SLC22A23: variants seen among roughly 807,000 people sequenced by gnomAD.
The protein encoded by SLC22A23 is ion transporter protein.
In SLC22A23, 26 loss-of-function variants were observed where a neutral mutation model predicts 61.0. That is an observed-to-expected ratio of 0.43 (90% confidence interval 0.31 to 0.59). SLC22A23 has a LOEUF of 0.59. SLC22A23 is among the 20% of genes least tolerant of loss of function. SLC22A23 has a pLI of 0.11. For missense variants in SLC22A23, 796 were observed against 934.7 expected, an observed-to-expected ratio of 0.85 and a Z score of 1.94; for synonymous variants, 430 against 413.9, an observed-to-expected ratio of 1.04 and a Z score of -0.47.
At chr6:3,350,523 T>C (rs1764704915) in intron 3 of SLC22A23, among the ~76,000 whole-genome samples, 1 of 152,248 alleles carries the variant, frequency 6.6e-6, no homozygotes, top group Non-Finnish European at 1.5e-5. Context: ...ATGGCTGCTG[T>C]TGCAGTAGCA....
At chr6:3,371,965 G>C (rs1766246509) in intron 3 of SLC22A23, among the ~76,000 whole-genome samples, 1 of 152,064 alleles carries the variant, frequency 6.6e-6, no homozygotes, top group Admixed American at 6.5e-5. Context: ...TGTTTTGGAG[G>C]ATGCATCTTA....
At chr6:3,444,551 T>G (rs1405071687) in intron 1 of SLC22A23, among the ~76,000 whole-genome samples, 1 of 152,164 alleles carries the variant, frequency 6.6e-6, no homozygotes, top group Non-Finnish European at 1.5e-5. Context: ...TTCCACTCAA[T>G]GGCATAAACT....
intron 3 of SLC22A23, among the ~76,000 whole-genome samples, chr6:3,401,170 C>T (rs544925662): frequency 1.3e-5 from 2 of 152,270 alleles, no homozygotes; most frequent in African/African-American, 2.4e-5. Context: ...GGCAAAACCC[C>T]GTCTCTACTA....
chr6:3,398,445 CA>C (rs1478521886), intron 3 of SLC22A23, among the ~76,000 whole-genome samples: 1 of 143,046 alleles, frequency 7.0e-6, no homozygotes, highest in Non-Finnish European at 1.5e-5. Flanking sequence ...TGCTTGGATA[CA>C]AAGCACTATT....
rs1328897299 is a variant in SLC22A23 at position 3,327,522 on chromosome 6, C to T, written c.914-3520G>A. 1.3e-5 allele frequency among the ~76,000 whole-genome samples: 2 copies of T among 152,302 alleles called. No homozygotes were observed. The highest frequency in any genetic ancestry group is 1.3e-4 in the Admixed American group (2 of 15,302). On this transcript the variant is annotated intron_variant, in intron 3 of 9. Transcript: ENST00000406686. The surrounding 1 kb of genome is among the most constrained non-coding windows in gnomAD (Gnocchi z 4.1). ...TGGCCAGCATGTAGCACTTCCACTG[C>T]TGTGGTTAAAAGCCTGGACTCCGTA... is the stretch of plus-strand genomic sequence containing the variant.
At chr6:3,280,579 T>C (rs1235545762) in intron 9 of SLC22A23, among the ~76,000 whole-genome samples, 3 of 146,472 alleles carry the variant, frequency 2.0e-5, no homozygotes, top group Non-Finnish European at 4.4e-5. Context: ...CACTGTAAGC[T>C]CCGCCTCCTG....
Position 3,310,553 on chromosome 6 carries a change from A to G in SLC22A23, c.1083-12335T>C, listed in dbSNP as rs371957923. Among the ~76,000 whole-genome samples the G allele has an allele frequency of 1.4e-4, 22 of 152,354 alleles. No homozygotes were observed. In the East Asian group the frequency reaches 3.9e-3, roughly 27 times the overall value. ...CTTTTCTGGAGTGGGGATTTGGCTA[A>G]GTCTCAAGCCCGTCTGATTTACATT... On this transcript the variant is annotated intron_variant, in intron 4 of 9. Coordinates refer to ENST00000406686, the MANE Select transcript of SLC22A23 (RefSeq NM_015482.2).
chr6:3,294,103 G>A (rs1760862615), intron 5 of SLC22A23, among the ~76,000 whole-genome samples: 1 of 152,176 alleles, frequency 6.6e-6, no homozygotes, highest in Admixed American at 6.5e-5. Flanking sequence ...GTATCATGGA[G>A]TTACTGCTCC....
chr6:3,279,927 G>A (rs767689723), intron 9 of SLC22A23, among the ~76,000 whole-genome samples: 1 of 152,110 alleles, frequency 6.6e-6, no homozygotes. Context: ...TACTAGAAAT[G>A]GCAAACTTCA....
At chr6:3,370,192 G>T (rs531446656) in intron 3 of SLC22A23, among the ~76,000 whole-genome samples, 1 of 152,018 alleles carries the variant, frequency 6.6e-6, no homozygotes, top group Admixed American at 6.6e-5. Context: ...AAAACAAAAA[G>T]AGGTTAGCCA....
rs1358709212 is a variant in SLC22A23, at chr6:3,366,166, TAA to T, written c.914-42166_914-42165del. ...TAACATGGTGAAACCCTGTCTCTACTAAAAATACAAAAAAAATTTAGCTGGGC... is the reference window on the plus strand; with the variant it reads ...TAACATGGTGAAACCCTGTCTCTACTAAATACAAAAAAAATTTAGCTGGGC... On this transcript the variant is annotated intron_variant, in intron 3 of 9. Coordinates refer to ENST00000406686, the MANE Select transcript of SLC22A23 (RefSeq NM_015482.2). Among the ~76,000 whole-genome samples the T allele has an allele frequency of 4.6e-5, 7 of 151,448 alleles. No individual in the cohort carries two copies. In the East Asian group the frequency reaches 1.4e-3, roughly 29 times the overall value.
In SLC22A23 at chr6:3,309,760, A is replaced by G. The variant is rs1762242267; in HGVS notation, c.1083-11542T>C. 6.6e-6 allele frequency among the ~76,000 whole-genome samples: 1 copy of G among 152,202 alleles called. No individual in the cohort carries two copies. ...CTGCTGCCACAGGGATGGCTCTCCAATCACTCACCAGGGACAGGCAACATT... is the reference window on the plus strand; with the variant it reads ...CTGCTGCCACAGGGATGGCTCTCCAGTCACTCACCAGGGACAGGCAACATT... On this transcript the variant is annotated intron_variant, in intron 4 of 9. Coordinates refer to ENST00000406686, the MANE Select transcript of SLC22A23 (RefSeq NM_015482.2). The surrounding 1 kb of genome is among the most constrained non-coding windows in gnomAD (Gnocchi z 4.7).
At position 3,269,009 on chromosome 6, in the gene SLC22A23, T is replaced by A. The variant is rs1285910260; in HGVS notation, c.*4046A>T. 1 of 152,302 alleles carries A rather than the reference T, an allele frequency of 6.6e-6. No individual in the cohort carries two copies. Among genetic ancestry groups the A allele is most frequent in the Admixed American group, 6.5e-5 (1 of 15,284 alleles). The allele number at this position is 152,302 out of a possible 1,614,324, so 9.4% of individuals were successfully genotyped here. ...TACTTTATTAAAGAAATATTGTCATTTTCGTTAAAAAATACATTAGAGAAG... is the reference window on the plus strand; with the variant it reads ...TACTTTATTAAAGAAATATTGTCATATTCGTTAAAAAATACATTAGAGAAG... On this transcript the variant is annotated 3_prime_UTR_variant, in exon 10 of 10. Transcript: ENST00000406686.
At position 3,273,152 on chromosome 6, in the gene SLC22A23, T is replaced by C. The variant is rs767362724; in HGVS notation, c.1964A>G (p.Asn655Ser). The C allele has an allele frequency of 6.2e-7, 1 of 1,611,900 alleles. No homozygotes were observed. The highest frequency in any genetic ancestry group is 1.1e-5 in the South Asian group (1 of 91,022). Reference sequence around the variant, plus strand: ...GCCCGAGTAGTCCTTGAGCTCGGCGTTGGTGAGCAGCAGTGGCTGCTCCCC... The same window carrying C: ...GCCCGAGTAGTCCTTGAGCTCGGCGCTGGTGAGCAGCAGTGGCTGCTCCCC... ...KKGEQPLLLTNAELKDYSGLH... is the reference protein window; with the variant it reads ...KKGEQPLLLTSAELKDYSGLH... Residue 655 changes from asparagine to serine, a missense_variant, in exon 10 of 10, where the codon AAC becomes AGC. Asn to Ser is a conservative substitution (Grantham distance 46, BLOSUM62 1). Coordinates refer to ENST00000406686, the MANE Select transcript of SLC22A23 (RefSeq NM_015482.2).
At position 3,286,859 on chromosome 6, in the gene SLC22A23, G is replaced by A. The variant is rs142569200; in HGVS notation, c.1546C>T (p.Leu516=). The A allele has an allele frequency of 6.4e-5, 102 of 1,590,930 alleles. No homozygotes were observed. The highest frequency in any genetic ancestry group is 3.6e-4 in the African/African-American group (27 of 74,396). Residue 516 remains leucine (L), a splice_region_variant and synonymous_variant, in exon 7 of 10, where the codon CTG becomes TTG. Coordinates refer to ENST00000406686, the MANE Select transcript of SLC22A23 (RefSeq NM_015482.2). The surrounding 1 kb of genome is among the most constrained non-coding windows in gnomAD (Gnocchi z 4.2). ...CAGCCCACCTCCCCGACCCACTCAC[G>A]GTTGAGGAGGCCGAGCTGCAGGAGT... ...ASLLQLGLLN[L]IGKYSQHPDS...
intron 1 of SLC22A23, among the ~76,000 whole-genome samples, chr6:3,441,926 C>T (rs944040748): frequency 6.6e-6 from 1 of 152,040 alleles, no homozygotes; most frequent in African/African-American, 2.4e-5. Flanking sequence ...GGGGAGGGCA[C>T]GGGAGGGATG....
intron 1 of SLC22A23, among the ~76,000 whole-genome samples, chr6:3,450,915 A>T (rs1772129604): frequency 6.6e-6 from 1 of 152,230 alleles, no homozygotes; most frequent in African/African-American, 2.4e-5. Flanking sequence ...GTCACTTTAA[A>T]TAACTTCTAC....
chr6:3,450,146 C>T (rs73723011), intron 1 of SLC22A23, among the ~76,000 whole-genome samples: 6,113 of 152,238 alleles, frequency 0.04, 428 homozygotes, highest in African/African-American at 0.14. Context: ...GGGGCAGAGA[C>T]AGAAAGAAAT....
At position 3,304,032 on chromosome 6, in the gene SLC22A23, C is replaced by T. The variant is rs956955433; in HGVS notation, c.1083-5814G>A. On this transcript the variant is annotated intron_variant, in intron 4 of 9. Transcript: ENST00000406686. The surrounding 1 kb of genome is among the most constrained non-coding windows in gnomAD (Gnocchi z 4.3). ...TATGCATACCAGGCAGACATTGGTG[C>T]TACTGGAATTCCATCAGTCCAGGCA... 6.6e-6 allele frequency among the ~76,000 whole-genome samples: 1 copy of T among 152,232 alleles called. No homozygotes were observed. Among genetic ancestry groups the T allele is most frequent in the African/African-American group, 2.4e-5 (1 of 41,460 alleles).
Sources: allele counts gnomAD v4.1 joint callset (sites outside exome capture counted in the v4.1 genomes callset), GRCh38; gene constraint gnomAD v4.1.1; non-coding constraint Gnocchi (gnomAD v3.1); transcripts MANE v1.5; gene names NCBI Gene and HGNC (gene_info 2026-07-23, HGNC 2026-07-21).